PLA2G4D: variants seen among roughly 807,000 people sequenced by gnomAD.
PLA2G4D encodes phospholipase A2 group IVD, also known as cytosolic phospholipase A2 delta.
In PLA2G4D, 80 loss-of-function variants were observed where a neutral mutation model predicts 94.4. The observed-to-expected ratio is 0.85, with a 90% CI of 0.71 to 1.02. PLA2G4D has a LOEUF of 1.02. Among genes scored for constraint, PLA2G4D ranks in the 50% least tolerant of loss-of-function variants. PLA2G4D has a pLI of 0.00. For missense variants in PLA2G4D, 1,050 were observed against 1,034.7 expected, an observed-to-expected ratio of 1.01 and a Z score of -0.20; for synonymous variants, 438 against 440.9, an observed-to-expected ratio of 0.99 and a Z score of 0.08.
rs1293765205 is a variant in PLA2G4D at position 42,068,729 on chromosome 15, T to G, written c.2443A>C (p.Arg815=). ...TCTGAGCAACCTCAGGTCTGTGCCC[T>G]TGGAGGCCTCGCCTCTAGAGTCCGG... ...KHRTLEARPP[R]AQT The change falls in exon 20 of 20, where the codon AGG becomes CGG. Residue 815 remains arginine, a synonymous_variant. Transcript: ENST00000290472. 1 of 1,606,954 alleles carries G rather than the reference T, an allele frequency of 6.2e-7. No individual in the cohort carries two copies. The highest frequency in any genetic ancestry group is 8.5e-7 in the Non-Finnish European group (1 of 1,176,632).
In PLA2G4D at chr15:42,087,615, G is replaced by T; in HGVS notation, c.118+13C>A. 1 of 1,614,070 alleles carries T rather than the reference G, an allele frequency of 6.2e-7. No homozygotes were observed. Among genetic ancestry groups the T allele is most frequent in the Non-Finnish European group, 8.5e-7 (1 of 1,179,986 alleles). On this transcript the variant is annotated intron_variant, in intron 2 of 19. Transcript: ENST00000290472. ...TCCCTGCTCCCGACAGAGCGCACAG[G>T]GCGGTTACTCACACAGGTCAGCCCA...
At chr15:42,080,874 CG>C in intron 12 of PLA2G4D, 122 bp downstream of exon 12, 1 of 1,293,948 alleles carries the variant, frequency 7.7e-7, no homozygotes, top group East Asian at 2.6e-5. Flanking sequence ...AGCTGCTTGG[CG>C]CCCATCAGAT....
At position 42,083,642 on chromosome 15, in the gene PLA2G4D, G is replaced by T. The variant is rs1266143661; in HGVS notation, c.535+74C>A. 6.4e-6 allele frequency: 10 copies of T among 1,561,338 alleles called. No homozygotes were observed. The East Asian group carries it at 9.0e-5, about 14-fold the overall frequency. ...TACCCTGCTGCTGGCCTCCTGCCCT[G>T]CGCAGGCTTCCCAGCAATCCTCCTC... On this transcript the variant is annotated intron_variant, in intron 7 of 19. Coordinates refer to ENST00000290472, the MANE Select transcript of PLA2G4D (RefSeq NM_178034.4).
At position 42,081,103 on chromosome 15, in the gene PLA2G4D, C is replaced by G. The variant is rs1367027987; in HGVS notation, c.988G>C (p.Gly330Arg). 2 of 1,614,188 alleles carry G rather than the reference C, an allele frequency of 1.2e-6. No individual in the cohort carries two copies. The highest frequency in any genetic ancestry group is 3.3e-5 in the Admixed American group (2 of 60,022). The change falls in exon 12 of 20, where the codon GGA (glycine) becomes CGA (arginine). Residue 330 changes from glycine (G) to arginine (R), a missense_variant. Coordinates refer to ENST00000290472, the MANE Select transcript of PLA2G4D (RefSeq NM_178034.4). ...AGTGAGGTCATGGCCCGGGCACCTC[C>G]TCCTGTGGCCATGATGCCCACAACG... The part of the protein sequence containing the change: ...VPVVGIMATG[G>R]GARAMTSLYG...
Position 42,067,046 on chromosome 15 carries a change from T to C in PLA2G4D, c.*1669A>G, listed in dbSNP as rs140978061. The stretch of plus-strand genomic sequence containing the variant: ...TCACTGTTAAAAAAATAAGAGTCCA[T>C]GATAAAGGGAAAAAGTGAAGAATCA... On this transcript the variant is annotated 3_prime_UTR_variant, in exon 20 of 20. Coordinates refer to ENST00000290472, the MANE Select transcript of PLA2G4D (RefSeq NM_178034.4). 5 of 151,976 alleles carry C rather than the reference T, an allele frequency of 3.3e-5. No individual in the cohort carries two copies. The highest frequency in any genetic ancestry group is 7.4e-5 in the Non-Finnish European group (5 of 67,952). 9.4% of individuals were successfully genotyped at this position (151,976 alleles called of 1,614,324 possible).
Position 42,069,910 on chromosome 15 carries a change from G to A in PLA2G4D, c.2229C>T (p.Pro743=), listed in dbSNP as rs747539843. Residue 743 remains proline (P), a splice_region_variant and synonymous_variant, in exon 19 of 20, where the codon CCC becomes CCT. Transcript: ENST00000290472. The part of the protein sequence containing the change: ...VNASFKDHSA[P]GVQRSPAELQ... ...GGTGCTTGGGAGGGGCTGCCTCACC[G>A]GGGGCTGAGTGGTCCTTGAAGGAGG... The A allele has an allele frequency of 3.7e-5, 53 of 1,414,244 alleles. No individual in the cohort carries two copies. The highest frequency in any genetic ancestry group is 1.8e-4 in the Admixed American group (5 of 27,376). The allele number at this position is 1,414,244 out of a possible 1,614,324, so 87.6% of individuals were successfully genotyped here.
chr15:42,091,595 C>CG (rs35302213), intron 1 of PLA2G4D, among the ~76,000 whole-genome samples: 62,777 of 151,758 alleles, frequency 0.41, 14,530 homozygotes, highest in Admixed American at 0.55. Flanking sequence ...TCCCTTTCCC[C>CG]GGGGGAGTTA....
intron 1 of PLA2G4D, among the ~76,000 whole-genome samples, chr15:42,093,520 G>T (rs1006155566): frequency 2.0e-5 from 3 of 152,174 alleles, no homozygotes; most frequent in African/African-American, 4.8e-5. Flanking sequence ...GGACTCCCCC[G>T]CATCCAAATG....
intron 5 of PLA2G4D, 43 bp downstream of exon 5, chr15:42,085,448 C>G (rs1249696382): frequency 1.3e-6 from 2 of 1,583,720 alleles, no homozygotes; most frequent in African/African-American, 1.4e-5. Context: ...TTCCTCAGAG[C>G]CTGAGTCCTG....
At chr15:42,086,411 G>A (rs1890149904) in intron 3 of PLA2G4D, 67 bp from the exon 4 acceptor site, 13 of 1,533,828 alleles carry the variant, frequency 8.5e-6, no homozygotes, top group Non-Finnish European at 1.2e-5. Flanking sequence ...CCTCTGTTGA[G>A]CCCTTACTTG....
rs1466530104 is a variant in PLA2G4D at position 42,070,733 on chromosome 15, A to AGGG, written c.2024_2026dup (p.Ser675_Leu676insPro). On this transcript the variant is annotated inframe_insertion, in exon 18 of 20. Coordinates refer to ENST00000290472, the MANE Select transcript of PLA2G4D (RefSeq NM_178034.4). The stretch of plus-strand genomic sequence containing the variant: ...CCAGGGTACCTCGAAGGGCGCAGAT[A>AGGG]GGGAGTAGTCGAAGGAGAGGATGAG... 1 of 1,561,774 alleles carries AGGG rather than the reference A, an allele frequency of 6.4e-7. No individual in the cohort carries two copies. Among genetic ancestry groups the AGGG allele is most frequent in the Non-Finnish European group, 8.7e-7 (1 of 1,152,054 alleles).
rs1184323898 is a variant in PLA2G4D at position 42,086,251 on chromosome 15, C to T, written c.349G>A (p.Gly117Ser). Residue 117 changes from glycine to serine, a missense_variant, in exon 4 of 20, where the codon GGC becomes AGC. Transcript: ENST00000290472. ...VLYDISEVLPGKLLRKTFSQS... is the reference protein window; with the variant it reads ...VLYDISEVLPSKLLRKTFSQS... Reference sequence around the variant, plus strand: ...GAGAAGGTTTTCCGGAGCAGCTTGCCAGGGAGGACTTCTGAGATGTCATAG... The same window carrying T: ...GAGAAGGTTTTCCGGAGCAGCTTGCTAGGGAGGACTTCTGAGATGTCATAG... 5.7e-6 allele frequency: 8 copies of T among 1,393,748 alleles called. No homozygotes were observed. Among genetic ancestry groups the T allele is most frequent in the Non-Finnish European group, 6.7e-6 (7 of 1,045,752 alleles). 86.3% of individuals were successfully genotyped at this position (1,393,748 alleles called of 1,614,324 possible). A position where few individuals can be genotyped will look rare whatever the true frequency, so the allele number is the denominator to read the frequency against.
chr15:42,090,674 C>T (rs1044278031), intron 1 of PLA2G4D, among the ~76,000 whole-genome samples: 9 of 152,136 alleles, frequency 5.9e-5, no homozygotes, highest in Non-Finnish European at 8.8e-5. Flanking sequence ...GGAGGTGAGG[C>T]AGTTTCCAGT....
rs376735670 is a variant in PLA2G4D at position 42,072,347 on chromosome 15, C to T, written c.1363G>A (p.Gly455Ser). 30 of 1,613,496 alleles carry T rather than the reference C, an allele frequency of 1.9e-5. No individual in the cohort carries two copies. The highest frequency in any genetic ancestry group is 2.4e-5 in the Non-Finnish European group (28 of 1,179,978). Residue 455 changes from glycine (G) to serine (S), a missense_variant, in exon 14 of 20, where the codon GGT becomes AGT. By Grantham distance (56) the Gly-to-Ser change is moderately conservative. Transcript: ENST00000290472. ...LSGQRAALER[G>S]QNPLPLYLSL... ...AAGTAGAGGGGCAGAGGGTTCTGAC[C>T]CCGTTCCAGGGCGGCTCTCTGTCCT...
Position 42,070,735 on chromosome 15 carries a change from G to T in PLA2G4D, c.2025C>A (p.Ser675=). ...AGGGTACCTCGAAGGGCGCAGATAG[G>T]GAGTAGTCGAAGGAGAGGATGAGGT... The part of the protein sequence containing the change: ...RLDLILSFDY[S]LSAPFEALQQ... Residue 675 remains serine, a synonymous_variant, in exon 18 of 20, where the codon TCC becomes TCA. Coordinates refer to ENST00000290472, the MANE Select transcript of PLA2G4D (RefSeq NM_178034.4). 1 of 1,563,174 alleles carries T rather than the reference G, an allele frequency of 6.4e-7. No homozygotes were observed. The highest frequency in any genetic ancestry group is 8.7e-7 in the Non-Finnish European group (1 of 1,152,732).
At chr15:42,083,882 AAGG>A in intron 6 of PLA2G4D, 103 bp from the exon 7 acceptor site, 1 of 1,127,156 alleles carries the variant, frequency 8.9e-7, no homozygotes, top group Non-Finnish European at 1.3e-6. Context: ...CCACACACAC[AAGG>A]AGTTGTGTGG....
At position 42,086,460 on chromosome 15, in the gene PLA2G4D, T is replaced by A. The variant is rs1890151358; in HGVS notation, c.256-116A>T. The A allele has an allele frequency of 3.2e-6, 3 of 947,726 alleles. No individual in the cohort carries two copies. In the East Asian group the frequency reaches 7.6e-5, roughly 24 times the overall value. The allele number at this position is 947,726 out of a possible 1,614,324, so 58.7% of individuals were successfully genotyped here. On this transcript the variant is annotated intron_variant, in intron 3 of 19. Transcript: ENST00000290472. ...GAGAAGATCATTATGCCACCACACG[T>A]CTGCGCTTCAAAATAAAAAAAAAAA...
intron 1 of PLA2G4D, among the ~76,000 whole-genome samples, chr15:42,091,655 G>A (rs1420506316): frequency 6.6e-6 from 1 of 152,240 alleles, no homozygotes; most frequent in East Asian, 1.9e-4. Flanking sequence ...CGTTAGGCTC[G>A]CCCGCAGTTA....
chr15:42,076,742 C>T (rs577329370), intron 13 of PLA2G4D, among the ~76,000 whole-genome samples: 1 of 152,300 alleles, frequency 6.6e-6, no homozygotes, highest in South Asian at 2.1e-4. Flanking sequence ...AACTATTATA[C>T]ACTGGTAGTG....
Sources: allele counts gnomAD v4.1 joint callset (sites outside exome capture counted in the v4.1 genomes callset), GRCh38; gene constraint gnomAD v4.1.1; transcripts MANE v1.5; gene names NCBI Gene and HGNC (gene_info 2026-07-23, HGNC 2026-07-21).